Variants in FARP2 observed in about 807,000 individuals in gnomAD.
FARP2 encodes the protein FERM, ARH/RhoGEF and pleckstrin domain protein 2, also known as FERM, ARHGEF and pleckstrin domain-containing protein 2.
Under a neutral mutation model 130.5 loss-of-function variants are expected in FARP2, and 111 were observed. That is an observed-to-expected ratio of 0.85 (90% CI 0.73 to 1.00). The LOEUF (loss-of-function observed/expected upper bound fraction) is 1.00. FARP2 is among the 50% of genes least tolerant of loss of function. The pLI is 0.00. For missense variants in FARP2, 1,385 were observed against 1,346.3 expected, an observed-to-expected ratio of 1.03 and a Z score of -0.45; for synonymous variants, 504 against 516.9, an observed-to-expected ratio of 0.98 and a Z score of 0.34.
In FARP2 at chr2:241,377,427, C is replaced by T. The variant is rs372310709; in HGVS notation, c.183+4137C>T. Among the ~76,000 whole-genome samples the T allele has an allele frequency of 1.8e-4, 27 of 152,006 alleles. No homozygotes were observed. The East Asian group carries it at 5.0e-3, about 28-fold the overall frequency. Reference sequence around the variant, plus strand: ...CGCAATCTCGGCTCACTGCAAGCTCCGCTTCCTGGGTTCACGCCATTCTCC... The same window carrying T: ...CGCAATCTCGGCTCACTGCAAGCTCTGCTTCCTGGGTTCACGCCATTCTCC... On this transcript the variant is annotated intron_variant, in intron 2 of 26. Transcript: ENST00000264042.
intron 17 of FARP2, chr2:241,465,761 A>G: frequency 6.4e-7 from 1 of 1,550,488 alleles, no homozygotes; most frequent in Middle Eastern, 1.7e-4. Context: ...ACGACGACTC[A>G]AGCTCCCCCT....
chr2:241,424,069 C>A (rs2062872603), intron 8 of FARP2, among the ~76,000 whole-genome samples: 1 of 152,068 alleles, frequency 6.6e-6, no homozygotes, highest in African/African-American at 2.4e-5. Context: ...AGTTAACTTT[C>A]TGAAAATATT....
chr2:241,427,179 G>A (rs1302909834), intron 8 of FARP2, among the ~76,000 whole-genome samples: 1 of 152,158 alleles, frequency 6.6e-6, no homozygotes, highest in Non-Finnish European at 1.5e-5. Flanking sequence ...AGGTTACAGT[G>A]AGCCAAGATC....
Position 241,493,963 on chromosome 2 carries a change from G to C in FARP2, c.3048-45G>C, listed in dbSNP as rs759948740. 1.3e-5 allele frequency: 16 copies of C among 1,218,526 alleles called. No individual in the cohort carries two copies. The South Asian group carries it at 3.8e-4, about 29-fold the overall frequency. The allele number at this position is 1,218,526 out of a possible 1,614,324, so 75.5% of individuals were successfully genotyped here. ...CTGGGTTGTTCTTGGGACAGTGTCTGAGCACAAGATGGCTCACTGGTCTGA... is the reference window on the plus strand; with the variant it reads ...CTGGGTTGTTCTTGGGACAGTGTCTCAGCACAAGATGGCTCACTGGTCTGA... On this transcript the variant is annotated intron_variant, in intron 26 of 26. Transcript: ENST00000264042.
intron 5 of FARP2, 26 bp from the exon 6 acceptor site, chr2:241,411,007 C>T: frequency 6.9e-7 from 1 of 1,452,484 alleles, no homozygotes; most frequent in Non-Finnish European, 9.6e-7. Context: ...GAATTGATCT[C>T]TGTCTTATTT....
intron 1 of FARP2, among the ~76,000 whole-genome samples, chr2:241,362,499 G>A (rs976413633): frequency 6.6e-6 from 1 of 152,126 alleles, no homozygotes; most frequent in African/African-American, 2.4e-5. Flanking sequence ...CTACTCGGGA[G>A]GCTGAGGCAG....
At position 241,487,753 on chromosome 2, in the gene FARP2, T is replaced by TTTTTTC. The variant is rs1280322738; in HGVS notation, c.2422-2204_2422-2203insCTTTTT. Among the ~76,000 whole-genome samples the TTTTTTC allele has an allele frequency of 1.8e-4, 21 of 114,238 alleles. 2 individuals are homozygous for TTTTTTC. Among genetic ancestry groups the TTTTTTC allele is most frequent in the Non-Finnish European group, 3.3e-4 (18 of 53,832 alleles). The allele number at this position is 114,238 out of a possible 152,430, so 74.9% of individuals were successfully genotyped here. On this transcript the variant is annotated intron_variant, in intron 21 of 26. Coordinates refer to ENST00000264042, the MANE Select transcript of FARP2 (RefSeq NM_014808.4). Reference sequence around the variant, plus strand: ...AGCTTAGCCTAGCCTACTCTTTTTTTTTTTTTTTTTTTTTGAGATGGAATC... The same window carrying TTTTTTC: ...AGCTTAGCCTAGCCTACTCTTTTTTTTTTTTCTTTTTTTTTTTTTTGAGATGGAATC...
At position 241,491,595 on chromosome 2, in the gene FARP2, C is replaced by G; in HGVS notation, c.2703C>G (p.Gly901=). The change falls in exon 24 of 27, where the codon GGC becomes GGG. Residue 901 remains glycine, a synonymous_variant. Transcript: ENST00000264042. ...TCCGCAGCTCCCTGGAGGGGCATGG[C>G]CAGCACCGGGCCAACACCACAATGC... ...RGVRSSLEGH[G]QHRANTTMHV... The G allele has an allele frequency of 1.2e-6, 2 of 1,613,760 alleles. No homozygotes were observed. Among genetic ancestry groups the G allele is most frequent in the South Asian group, 1.1e-5 (1 of 91,074 alleles).
chr2:241,415,989 C>CTGTG (rs57774022), intron 7 of FARP2, among the ~76,000 whole-genome samples: 7,163 of 141,556 alleles, frequency 0.051, 360 homozygotes, highest in African/African-American at 0.13. Flanking sequence ...CAGGGTAGTT[C>CTGTG]TGTGTGTGTG....
At chr2:241,476,248 G>A (rs2064457913) in intron 19 of FARP2, among the ~76,000 whole-genome samples, 1 of 150,426 alleles carries the variant, frequency 6.6e-6, no homozygotes, top group African/African-American at 2.4e-5. Flanking sequence ...ATTGCTGGGT[G>A]TGGTGGCGCA....
At chr2:241,398,873 A>G (rs2062094121) in intron 2 of FARP2, among the ~76,000 whole-genome samples, 1 of 152,094 alleles carries the variant, frequency 6.6e-6, no homozygotes, top group Non-Finnish European at 1.5e-5. Flanking sequence ...CCAACCAGAC[A>G]TTCTTGAATT....
intron 13 of FARP2, among the ~76,000 whole-genome samples, chr2:241,447,910 G>C (rs2063548660): frequency 6.6e-6 from 1 of 152,158 alleles, no homozygotes; most frequent in East Asian, 1.9e-4. Context: ...GGCGCCTCTG[G>C]GAAGGTGGTG....
chr2:241,379,053 A>G (rs1431553783), intron 2 of FARP2, among the ~76,000 whole-genome samples: 4 of 152,186 alleles, frequency 2.6e-5, no homozygotes, highest in Non-Finnish European at 5.9e-5. Flanking sequence ...GGGTAGAAAT[A>G]CTTTCAGCTC....
chr2:241,438,894 G>T (rs934155476), intron 12 of FARP2, among the ~76,000 whole-genome samples: 1 of 152,060 alleles, frequency 6.6e-6, no homozygotes, highest in African/African-American at 2.4e-5. Flanking sequence ...CTCCCAAAGT[G>T]CTGGGATTAC....
chr2:241,407,002 G>A (rs542019163), intron 4 of FARP2, among the ~76,000 whole-genome samples: 3 of 151,592 alleles, frequency 2.0e-5, no homozygotes, highest in African/African-American at 2.4e-5. Flanking sequence ...TAGAGACGGG[G>A]TTTCACTGTG....
chr2:241,359,891 C>T (rs1158136989), intron 1 of FARP2, among the ~76,000 whole-genome samples: 2 of 152,112 alleles, frequency 1.3e-5, no homozygotes, highest in Non-Finnish European at 2.9e-5. Context: ...ATGACATAAG[C>T]GAAGGGCTTG....
chr2:241,373,114 G>A lies in FARP2; in HGVS notation c.7G>A (p.Glu3Lys). 7.2e-7 allele frequency: 1 copy of A among 1,392,886 alleles called. No homozygotes were observed. The highest frequency in any genetic ancestry group is 9.4e-7 in the Non-Finnish European group (1 of 1,058,954). The allele number at this position is 1,392,886 out of a possible 1,614,324, so 86.3% of individuals were successfully genotyped here. A position where few individuals can be genotyped will look rare whatever the true frequency, so the allele number is the denominator to read the frequency against. ...TCTTCACTCATGGTGAAGAATGGGGGAGATAGAAGGAACATACAGAGTCCT... is the reference window on the plus strand; with the variant it reads ...TCTTCACTCATGGTGAAGAATGGGGAAGATAGAAGGAACATACAGAGTCCT... MGEIEGTYRVLQT... is the reference protein window; with the variant it reads MGKIEGTYRVLQT... The change falls in exon 2 of 27, where the codon GAG (glutamate) becomes AAG (lysine). Residue 3 changes from glutamate to lysine, a missense_variant. Physicochemically the swap from Glu to Lys is moderately conservative, Grantham distance 56. Coordinates refer to ENST00000264042, the MANE Select transcript of FARP2 (RefSeq NM_014808.4).
intron 12 of FARP2, among the ~76,000 whole-genome samples, chr2:241,437,720 A>G (rs555636312): frequency 2.0e-5 from 3 of 147,972 alleles, no homozygotes; most frequent in Non-Finnish European, 4.4e-5. Flanking sequence ...GCTGGAGTAT[A>G]GTGGCGCGAT....
chr2:241,465,350 C>T (rs759216096), intron 17 of FARP2: 4 of 816,798 alleles, frequency 4.9e-6, no homozygotes, highest in East Asian at 2.7e-5. Context: ...AGTCCCCCCT[C>T]CCCAGGGCAG....
Sources: allele counts gnomAD v4.1 joint callset (sites outside exome capture counted in the v4.1 genomes callset), GRCh38; gene constraint gnomAD v4.1.1; transcripts MANE v1.5; gene names NCBI Gene and HGNC (gene_info 2026-07-23, HGNC 2026-07-21).